The following ZSCAN32 variants were observed in gnomAD, a reference collection of about 807,000 sequenced individuals.
The protein encoded by ZSCAN32 is zinc finger and SCAN domain-containing protein 32.
Under a neutral mutation model 47.4 loss-of-function variants are expected in ZSCAN32, and 52 were observed. The observed-to-expected ratio is 1.10, with a 90% confidence interval of 0.88 to 1.38. The LOEUF is 1.38. ZSCAN32 is among the 40% of genes most tolerant of loss of function. The pLI is 0.00. For missense variants in ZSCAN32, 959 were observed against 846.0 expected, an observed-to-expected ratio of 1.13 and a Z score of -1.66; for synonymous variants, 346 against 305.7, an observed-to-expected ratio of 1.13 and a Z score of -1.38.
chr16:3,391,444 G>C (rs184309693), intron 3 of ZSCAN32, among the ~76,000 whole-genome samples: 30 of 152,220 alleles, frequency 2.0e-4, no homozygotes, highest in Admixed American at 2.0e-3. Context: ...TTGGGAGGCC[G>C]AGGCAGGCAG....
At chr16:3,394,247 C>T (rs1052062217) in intron 2 of ZSCAN32, among the ~76,000 whole-genome samples, 2 of 152,092 alleles carry the variant, frequency 1.3e-5, no homozygotes, top group Admixed American at 1.3e-4. Context: ...GCGTGGACAA[C>T]ACAGCAAGAC....
rs550655947 is a variant in ZSCAN32 at position 3,400,791 on chromosome 16, A to G, written c.-188+154T>C. ...CACGGTGATCGCGGCGCGTCTGGGG[A>G]CGCCCGGCCTGAGGGAGGCTGCCTG... is the stretch of plus-strand genomic sequence containing the variant. On this transcript the variant is annotated intron_variant, in intron 1 of 6. Transcript: ENST00000396852. 6.6e-5 allele frequency among the ~76,000 whole-genome samples: 10 copies of G among 152,072 alleles called. No individual in the cohort carries two copies. In the South Asian group the frequency reaches 2.1e-3, roughly 32 times the overall value.
intron 6 of ZSCAN32, chr16:3,384,088 C>A: frequency 2.1e-6 from 1 of 471,654 alleles, no homozygotes; most frequent in East Asian, 3.6e-5. Flanking sequence ...CCAGCTCAAA[C>A]AGGAAGAAAG....
At position 3,382,263 on chromosome 16, in the gene ZSCAN32, G is replaced by A. The variant is rs1755483014; in HGVS notation, c.*589C>T. 6.6e-6 allele frequency: 1 copy of A among 152,188 alleles called. No homozygotes were observed. The highest frequency in any genetic ancestry group is 2.1e-4 in the South Asian group (1 of 4,824). The allele number at this position is 152,188 out of a possible 1,614,324, so 9.4% of individuals were successfully genotyped here. ...AGAAATCTTACAAAAAATTAACCTGGATGTTGTGCTTGCTCTAAGGTTAAG... is the reference window on the plus strand; with the variant it reads ...AGAAATCTTACAAAAAATTAACCTGAATGTTGTGCTTGCTCTAAGGTTAAG... On this transcript the variant is annotated 3_prime_UTR_variant, in exon 7 of 7. Transcript: ENST00000396852.
intron 1 of ZSCAN32, among the ~76,000 whole-genome samples, chr16:3,400,407 T>A (rs1235117664): frequency 6.6e-6 from 1 of 152,166 alleles, no homozygotes; most frequent in Non-Finnish European, 1.5e-5. Context: ...AAGAATTTAA[T>A]AAAAGCTCTT....
At chr16:3,395,105 A>G (rs548154090) in intron 2 of ZSCAN32, among the ~76,000 whole-genome samples, 28 of 152,312 alleles carry the variant, frequency 1.8e-4, no homozygotes, top group African/African-American at 5.5e-4. Context: ...AAAATCCTCA[A>G]TATCAACGGT....
chr16:3,394,291 T>A (rs1178607951), intron 2 of ZSCAN32, among the ~76,000 whole-genome samples: 2 of 151,740 alleles, frequency 1.3e-5, no homozygotes, highest in Admixed American at 6.6e-5. Context: ...CTCTTTGAAG[T>A]GGTTAAGATT....
intron 3 of ZSCAN32, among the ~76,000 whole-genome samples, chr16:3,390,895 A>G (rs2032612484): frequency 6.6e-6 from 1 of 152,152 alleles, no homozygotes; most frequent in Admixed American, 6.5e-5. Flanking sequence ...TAGTGGGCAA[A>G]CAAAAATCTC....
At chr16:3,391,087 T>C (rs752557610) in intron 3 of ZSCAN32, among the ~76,000 whole-genome samples, 4 of 152,128 alleles carry the variant, frequency 2.6e-5, no homozygotes, top group Non-Finnish European at 5.9e-5. Context: ...ATTGTACAAA[T>C]AAAATGAATC....
At position 3,384,735 on chromosome 16, in the gene ZSCAN32, C is replaced by G. The variant is rs773366307; in HGVS notation, c.958G>C (p.Val320Leu). ...GGCTCAGGCACACGGCCTCTCCTCA[C>G]TTTGCGGTAACTCAACTGTAGGCTT... ...FKSLQLSYRK[V>L]RRGRVPEPCI... Residue 320 changes from valine (V) to leucine (L), a missense_variant, in exon 6 of 7, where the codon GTG becomes CTG. Physicochemically the swap from Val to Leu is conservative, Grantham distance 32. Coordinates refer to ENST00000396852, the MANE Select transcript of ZSCAN32 (RefSeq NM_001284527.2). The G allele has an allele frequency of 4.3e-6, 7 of 1,614,104 alleles. No homozygotes were observed. The South Asian group carries it at 7.7e-5, about 18-fold the overall frequency.
At chr16:3,389,969 G>A (rs527290166) in intron 5 of ZSCAN32, 41 bp downstream of exon 5, 2 of 1,560,014 alleles carry the variant, frequency 1.3e-6, no homozygotes, top group South Asian at 1.2e-5. Flanking sequence ...CTGAACAACT[G>A]AACACATCCA....
chr16:3,389,942 A>G (rs1405029748), intron 5 of ZSCAN32, 68 bp downstream of exon 5: 8 of 1,468,422 alleles, frequency 5.4e-6, no homozygotes, highest in Non-Finnish European at 7.3e-6. Flanking sequence ...CCTCCCTCTC[A>G]AGTCCTTTCA....
Position 3,397,176 on chromosome 16 carries a change from G to T in ZSCAN32, c.366+16C>A. On this transcript the variant is annotated intron_variant, in intron 2 of 6. Coordinates refer to ENST00000396852, the MANE Select transcript of ZSCAN32 (RefSeq NM_001284527.2). ...TTCATAACCAAAACCACAAAGTTCC[G>T]ACTTCCTTTTCTCACCTGTTGTCCA... 6.7e-7 allele frequency: 1 copy of T among 1,493,234 alleles called. No individual in the cohort carries two copies. The highest frequency in any genetic ancestry group is 1.3e-5 in the South Asian group (1 of 74,518). 92.5% of individuals were successfully genotyped at this position (1,493,234 alleles called of 1,614,324 possible). A position where few individuals can be genotyped will look rare whatever the true frequency, so the allele number is the denominator to read the frequency against.
chr16:3,387,142 C>T (rs183817694), intron 5 of ZSCAN32, among the ~76,000 whole-genome samples: 466 of 152,224 alleles, frequency 3.1e-3, no homozygotes, highest in Non-Finnish European at 3.9e-3. Flanking sequence ...GTTAATTATC[C>T]TCAATCCTAC....
chr16:3,388,492 C>A (rs771119045), intron 5 of ZSCAN32, among the ~76,000 whole-genome samples: 9 of 152,196 alleles, frequency 5.9e-5, no homozygotes, highest in Non-Finnish European at 8.8e-5. Flanking sequence ...CATCTTCTGC[C>A]GCTTACTGAT....
chr16:3,390,335 C>A, intron 4 of ZSCAN32, 88 bp downstream of exon 4: 1 of 1,392,938 alleles, frequency 7.2e-7, no homozygotes, highest in Non-Finnish European at 9.7e-7. Context: ...ATGGACCACA[C>A]AGAATCTTTC....
chr16:3,396,482 T>TG (rs1474602850), intron 2 of ZSCAN32, among the ~76,000 whole-genome samples: 1 of 152,164 alleles, frequency 6.6e-6, no homozygotes, highest in African/African-American at 2.4e-5. Context: ...CTTCCTGCTC[T>TG]GATCACAGAC....
chr16:3,391,428 A>G (rs906887211), intron 3 of ZSCAN32, among the ~76,000 whole-genome samples: 2 of 152,236 alleles, frequency 1.3e-5, no homozygotes, highest in African/African-American at 4.8e-5. Flanking sequence ...CTGTAATCCC[A>G]GCACTTTGGG....
At chr16:3,386,193 C>T (rs2031965681) in intron 5 of ZSCAN32, among the ~76,000 whole-genome samples, 1 of 152,196 alleles carries the variant, frequency 6.6e-6, no homozygotes, top group South Asian at 2.1e-4. Context: ...TGAAAAAATG[C>T]TCATCATCAC....
Sources: allele counts gnomAD v4.1 joint callset (sites outside exome capture counted in the v4.1 genomes callset), GRCh38; gene constraint gnomAD v4.1.1; transcripts MANE v1.5; gene names NCBI Gene and HGNC (gene_info 2026-07-23, HGNC 2026-07-21).